The following FANCE variants were observed in gnomAD, a reference collection of about 807,000 sequenced individuals.
FANCE encodes the protein Fanconi anemia group E protein.
Under a neutral mutation model 57.8 loss-of-function variants are expected in FANCE, and 42 were observed. That is an observed-to-expected ratio of 0.73 (90% CI 0.57 to 0.94). FANCE has a LOEUF of 0.94. Among genes scored for constraint, FANCE ranks in the 40% least tolerant of loss-of-function variants. The probability of loss-of-function intolerance (pLI) is 0.00; values close to 1 mark genes in which losing one functional copy is unlikely to be tolerated. For missense variants in FANCE, 608 were observed against 661.8 expected, an observed-to-expected ratio of 0.92 and a Z score of 0.89; for synonymous variants, 251 against 286.4, an observed-to-expected ratio of 0.88 and a Z score of 1.25.
chr6:35,464,065 C>G (rs1382637957), intron 9 of FANCE, among the ~76,000 whole-genome samples: 1 of 152,030 alleles, frequency 6.6e-6, no homozygotes, highest in Non-Finnish European at 1.5e-5. Flanking sequence ...CTGAGGGGAT[C>G]TGCAAGTAGT....
At position 35,456,706 on chromosome 6, in the gene FANCE, G is replaced by A. The variant is rs1561790553; in HGVS notation, c.855+353G>A. 6.6e-6 allele frequency among the ~76,000 whole-genome samples: 1 copy of A among 152,096 alleles called. No individual in the cohort carries two copies. The highest frequency in any genetic ancestry group is 1.5e-5 in the Non-Finnish European group (1 of 68,020). On this transcript the variant is annotated intron_variant, in intron 2 of 9. Transcript: ENST00000229769. This position sits in a 1 kb window ranked among gnomAD's most constrained non-coding sequence, Gnocchi z 4.3. ...ATTTTGTATTTTTAGTAGAGACAGG[G>A]TTTCTCCATGTTGGTCAGGCTGGTC...
Position 35,456,792 on chromosome 6 carries a change from T to A in FANCE, c.855+439T>A, listed in dbSNP as rs1235351789. Among the ~76,000 whole-genome samples the A allele has an allele frequency of 1.3e-5, 2 of 151,876 alleles. No homozygotes were observed. The highest frequency in any genetic ancestry group is 2.9e-5 in the Non-Finnish European group (2 of 67,950). ...GCCTCCAAAGTGTTGGGATAACAGG[T>A]GTGAGCCACCACGCCCAGCCACTCC... On this transcript the variant is annotated intron_variant, in intron 2 of 9. Coordinates refer to ENST00000229769, the MANE Select transcript of FANCE (RefSeq NM_021922.3). The surrounding 1 kb of genome is among the most constrained non-coding windows in gnomAD (Gnocchi z 4.3).
chr6:35,459,116 C>T (rs1767480921), intron 5 of FANCE, among the ~76,000 whole-genome samples: 1 of 152,098 alleles, frequency 6.6e-6, no homozygotes, highest in Non-Finnish European at 1.5e-5. Context: ...CACCAGAACC[C>T]TTCTAGAAGC....
In FANCE at chr6:35,466,344, G is replaced by T. The variant is rs139547269; in HGVS notation, c.1610G>T (p.Ter537LeuextTer27). 42 of 1,605,734 alleles carry T rather than the reference G, an allele frequency of 2.6e-5. No individual in the cohort carries two copies. In the African/African-American group the frequency reaches 4.0e-4, roughly 15 times the overall value. Residue 537 changes from the stop codon to leucine, a stop_lost, in exon 10 of 10, where the codon TGA becomes TTA. Transcript: ENST00000229769. ...LKAALKHLGP[*>L] is the part of the protein sequence containing the mutation. ...GCCGCCTTGAAACATTTGGGCCCCT[G>T]ACCATCCACCAAGGGACCACCCTCT...
At position 35,452,384 on chromosome 6, in the gene FANCE, G is replaced by A. The variant is rs979441521; in HGVS notation, c.-162G>A. ...GGAACGGCTGCGGCTTCGGGCGGCC[G>A]GGTTTCTCCGGTCTCCCAACGCCGA... On this transcript the variant is annotated 5_prime_UTR_variant, in exon 1 of 10. Transcript: ENST00000229769. 23 of 758,512 alleles carry A rather than the reference G, an allele frequency of 3.0e-5. No individual in the cohort carries two copies. Among genetic ancestry groups the A allele is most frequent in the Non-Finnish European group, 3.5e-5 (20 of 566,812 alleles). 47.0% of individuals were successfully genotyped at this position (758,512 alleles called of 1,614,324 possible). A position where few individuals can be genotyped will look rare whatever the true frequency, so the allele number is the denominator to read the frequency against.
At chr6:35,462,979 G>A in intron 9 of FANCE, 65 bp downstream of exon 9, 1 of 1,607,972 alleles carries the variant, frequency 6.2e-7, no homozygotes, top group Non-Finnish European at 8.5e-7. Flanking sequence ...TGCCACAAGG[G>A]TGTATGAATA....
intron 7 of FANCE, among the ~76,000 whole-genome samples, chr6:35,459,986 C>T (rs929639353): frequency 2.0e-5 from 3 of 152,154 alleles, no homozygotes; most frequent in African/African-American, 7.2e-5. Context: ...TGTCTCACTA[C>T]CAAATACTTT....
intron 9 of FANCE, among the ~76,000 whole-genome samples, chr6:35,465,552 G>C (rs1767798440): frequency 6.6e-6 from 1 of 152,220 alleles, no homozygotes; most frequent in African/African-American, 2.4e-5. Flanking sequence ...TGTCGGGGGT[G>C]TTACAGGCCC....
chr6:35,464,917 G>A (rs1767766796), intron 9 of FANCE, among the ~76,000 whole-genome samples: 2 of 150,296 alleles, frequency 1.3e-5, no homozygotes, highest in Non-Finnish European at 3.0e-5. Context: ...TGTATTTTTA[G>A]TAGAGACGGG....
At chr6:35,459,306 A>AT (rs1327499992) in intron 5 of FANCE, 25 bp from the exon 6 acceptor site, 5 of 1,613,444 alleles carry the variant, frequency 3.1e-6, no homozygotes, top group Middle Eastern at 1.6e-4. Context: ...AAAATAATTA[A>AT]TTTTTTCCTC....
At position 35,452,942 on chromosome 6, in the gene FANCE, T is replaced by A. The variant is rs45538031; in HGVS notation, c.248+149T>A. On this transcript the variant is annotated intron_variant, in intron 1 of 9. Coordinates refer to ENST00000229769, the MANE Select transcript of FANCE (RefSeq NM_021922.3). ...CACCCTTCACTGAGCACTTGCTGTG[T>A]GCGGGACATCGAGGATCCGGGAACT... is the stretch of plus-strand genomic sequence containing the variant. 4.7e-4 allele frequency: 400 copies of A among 852,108 alleles called. 1 individual carries two copies. The African/African-American group carries it at 6.5e-3, about 14-fold the overall frequency. 52.8% of individuals were successfully genotyped at this position (852,108 alleles called of 1,614,324 possible).
rs917984275 is a variant in FANCE, at chr6:35,452,592, C to T, written c.47C>T (p.Pro16Leu). 3 of 1,324,454 alleles carry T rather than the reference C, an allele frequency of 2.3e-6. No individual in the cohort carries two copies. The highest frequency in any genetic ancestry group is 2.9e-6 in the Non-Finnish European group (3 of 1,034,102). 82.0% of individuals were successfully genotyped at this position (1,324,454 alleles called of 1,614,324 possible). The change falls in exon 1 of 10, where the codon CCG (proline) becomes CTG (leucine). Residue 16 changes from proline (P) to leucine (L), a missense_variant. By Grantham distance (98) the Pro-to-Leu change is moderately conservative (BLOSUM62 -3). Transcript: ENST00000229769. ...AGLPGAEGVEPAPWAQLEAPA... is the reference protein window; with the variant it reads ...AGLPGAEGVELAPWAQLEAPA... ...CTCCCTGGGGCTGAGGGCGTGGAGC[C>T]GGCGCCCTGGGCGCAGCTGGAGGCC...
At chr6:35,464,258 AGACAGAGTCTCACTC>A (rs1767714642) in intron 9 of FANCE, among the ~76,000 whole-genome samples, 1 of 61,872 alleles carries the variant, frequency 1.6e-5, no homozygotes. Context: ...TTTTTTTTTG[AGACAGAGTCTCACTC>A]TGTTGCCCAG....
At chr6:35,464,972 G>A (rs1014352873) in intron 9 of FANCE, among the ~76,000 whole-genome samples, 2 of 150,282 alleles carry the variant, frequency 1.3e-5, no homozygotes, top group Non-Finnish European at 3.0e-5. Context: ...CTGACCTTGT[G>A]ATCCACCCTC....
At position 35,457,913 on chromosome 6, in the gene FANCE, C is replaced by CA; in HGVS notation, c.901-2dup. 1.2e-6 allele frequency: 2 copies of CA among 1,613,840 alleles called. No individual in the cohort carries two copies. Among genetic ancestry groups the CA allele is most frequent in the Non-Finnish European group, 1.7e-6 (2 of 1,179,752 alleles). ...AGCCCTAACATGAGATTTGTCTCCC[C>CA]AGGGGTTAGAGGGATTGGAGGATGC... On this transcript the variant is annotated splice_polypyrimidine_tract_variant and splice_region_variant and intron_variant, in intron 3 of 9. Transcript: ENST00000229769.
chr6:35,460,723 C>A, intron 8 of FANCE, 105 bp downstream of exon 8: 2 of 1,032,426 alleles, frequency 1.9e-6, no homozygotes, highest in Non-Finnish European at 3.0e-6. Flanking sequence ...GAGGGTCAAG[C>A]AGGACAGCTG....
Position 35,461,523 on chromosome 6 carries a change from C to T in FANCE, c.1383+905C>T, listed in dbSNP as rs45466692. ...TTCCCTCCTACTTTTTTGGAAATTG[C>T]AACACACCAAACTCAGTGCCCTGTA... On this transcript the variant is annotated intron_variant, in intron 8 of 9. Coordinates refer to ENST00000229769, the MANE Select transcript of FANCE (RefSeq NM_021922.3). Among the ~76,000 whole-genome samples the T allele has an allele frequency of 3.3e-5, 5 of 152,314 alleles. No homozygotes were observed. The South Asian group carries it at 1.0e-3, about 32-fold the overall frequency.
Position 35,452,582 on chromosome 6 carries a change from G to A in FANCE, c.37G>A (p.Gly13Ser). Residue 13 changes from glycine (G) to serine (S), a missense_variant, in exon 1 of 10, where the codon GGC becomes AGC. Gly to Ser is a moderately conservative substitution (Grantham distance 56). Coordinates refer to ENST00000229769, the MANE Select transcript of FANCE (RefSeq NM_021922.3). ...TPDAGLPGAE[G>S]VEPAPWAQLE... ...GGACGCGGGGCTCCCTGGGGCTGAG[G>A]GCGTGGAGCCGGCGCCCTGGGCGCA... 7.5e-7 allele frequency: 1 copy of A among 1,329,178 alleles called. No individual in the cohort carries two copies. 82.3% of individuals were successfully genotyped at this position (1,329,178 alleles called of 1,614,324 possible).
In FANCE at chr6:35,452,394, G is replaced by A. The variant is rs1767136793; in HGVS notation, c.-152G>A. 5.9e-6 allele frequency: 5 copies of A among 853,758 alleles called. No individual in the cohort carries two copies. Among genetic ancestry groups the A allele is most frequent in the Admixed American group, 4.6e-5 (1 of 21,870 alleles). 52.9% of individuals were successfully genotyped at this position (853,758 alleles called of 1,614,324 possible). A position where few individuals can be genotyped will look rare whatever the true frequency, so the allele number is the denominator to read the frequency against. The stretch of plus-strand genomic sequence containing the variant: ...CGGCTTCGGGCGGCCGGGTTTCTCC[G>A]GTCTCCCAACGCCGAGGAGAGCTTG... On this transcript the variant is annotated 5_prime_UTR_variant, in exon 1 of 10. Transcript: ENST00000229769.
Sources: allele counts gnomAD v4.1 joint callset (sites outside exome capture counted in the v4.1 genomes callset), GRCh38; gene constraint gnomAD v4.1.1; non-coding constraint Gnocchi (gnomAD v3.1); transcripts MANE v1.5; gene names NCBI Gene and HGNC (gene_info 2026-07-23, HGNC 2026-07-21).